Variants in PELI2 observed in about 807,000 individuals in gnomAD.
PELI2 encodes the protein E3 ubiquitin-protein ligase pellino homolog 2.
PELI2 carries 23 observed loss-of-function variants against 42.3 expected under a neutral mutation model. That is an observed-to-expected ratio of 0.54 (90% CI 0.39 to 0.77). The LOEUF is 0.77. Ranked by LOEUF, PELI2 falls within the 30% of genes least tolerant of loss-of-function variation. The pLI, the probability that PELI2 is intolerant of heterozygous loss-of-function variation, is 0.00. For synonymous variants in PELI2, 245 were observed against 212.2 expected (o/e 1.15, Z -1.34); for missense variants, 463 against 553.2 (o/e 0.84, Z 1.64).
chr14:56,228,360 G>T (rs2139763865), intron 2 of PELI2, among the ~76,000 whole-genome samples: 2 of 152,206 alleles, frequency 1.3e-5, no homozygotes, highest in South Asian at 4.1e-4. Context: ...GAAGGAAAAA[G>T]AAACAATTTT....
At chr14:56,230,721 C>A (rs1419015697) in intron 2 of PELI2, among the ~76,000 whole-genome samples, 1 of 152,128 alleles carries the variant, frequency 6.6e-6, no homozygotes, top group African/African-American at 2.4e-5. Context: ...GCTAACATCA[C>A]AATGACAGGA....
At position 56,253,929 on chromosome 14, in the gene PELI2, A is replaced by G. The variant is rs1430824781; in HGVS notation, c.208-25747A>G. Among the ~76,000 whole-genome samples, 5 of 152,244 alleles carry G rather than the reference A, an allele frequency of 3.3e-5. No homozygotes were observed. The East Asian group carries it at 9.6e-4, about 29-fold the overall frequency. On this transcript the variant is annotated intron_variant, in intron 2 of 5. Transcript: ENST00000267460. ...AGAACAAAGCTAGAGGCATCACACT[A>G]CCTGACTTCAAACTATACTACAAGG...
rs34922290 is a variant in PELI2, at chr14:56,138,462, C to CT, written c.77+19737dup. Among the ~76,000 whole-genome samples the CT allele has an allele frequency of 1.8e-3, 259 of 144,214 alleles. 1 individual carries two copies. Among genetic ancestry groups the CT allele is most frequent in the African/African-American group, 3.7e-3 (146 of 39,328 alleles). The allele number at this position is 144,214 out of a possible 152,430, so 94.6% of individuals were successfully genotyped here. The stretch of plus-strand genomic sequence containing the variant: ...TCAAAGTACAGGTGATTCTGTGGTT[C>CT]TTTTTTTTTTTTAAAGACTGAAAAG... On this transcript the variant is annotated intron_variant, in intron 1 of 5. Coordinates refer to ENST00000267460, the MANE Select transcript of PELI2 (RefSeq NM_021255.3).
chr14:56,140,143 C>T (rs1448857972), intron 1 of PELI2, among the ~76,000 whole-genome samples: 1 of 151,870 alleles, frequency 6.6e-6, no homozygotes, highest in Non-Finnish European at 1.5e-5. Flanking sequence ...TAATTTAGAG[C>T]TGGGTGCTTC....
intron 2 of PELI2, among the ~76,000 whole-genome samples, chr14:56,200,701 TC>T (rs1886305832): frequency 6.6e-6 from 1 of 152,258 alleles, no homozygotes; most frequent in African/African-American, 2.4e-5. Flanking sequence ...CAAAGGTGAT[TC>T]TTTTTTAAGT....
chr14:56,137,318 G>T (rs555101383), intron 1 of PELI2, among the ~76,000 whole-genome samples: 2 of 152,178 alleles, frequency 1.3e-5, no homozygotes, highest in East Asian at 3.9e-4. Context: ...AGAAAAAAAT[G>T]AGCTTTTTGG....
At chr14:56,290,588 G>A in intron 5 of PELI2, 132 bp downstream of exon 5, 1 of 531,868 alleles carries the variant, frequency 1.9e-6, no homozygotes, top group Non-Finnish European at 3.1e-6. Flanking sequence ...CTCAGGAGAA[G>A]CAGAATTCCA....
intron 1 of PELI2, among the ~76,000 whole-genome samples, chr14:56,151,307 C>T (rs1884343176): frequency 6.6e-6 from 1 of 152,208 alleles, no homozygotes; most frequent in Non-Finnish European, 1.5e-5. Flanking sequence ...GTGCAGTTAT[C>T]ACCTCTGTGA....
intron 1 of PELI2, among the ~76,000 whole-genome samples, chr14:56,172,414 GT>G (rs1885211691): frequency 6.6e-5 from 10 of 152,172 alleles, no homozygotes; most frequent in Admixed American, 6.5e-4. Context: ...TTTGCATGTT[GT>G]TAGTAAGCAA....
intron 2 of PELI2, among the ~76,000 whole-genome samples, chr14:56,230,404 G>A (rs534566539): frequency 2.3e-3 from 344 of 152,270 alleles, no homozygotes; most frequent in African/African-American, 7.8e-3. Context: ...CAGATCTCTC[G>A]GCAGAAACCC....
intron 1 of PELI2, among the ~76,000 whole-genome samples, chr14:56,151,554 G>C (rs1884358833): frequency 6.6e-6 from 1 of 152,198 alleles, no homozygotes; most frequent in Admixed American, 6.5e-5. Flanking sequence ...TGATGTCACA[G>C]TGTTTGTTCA....
intron 1 of PELI2, among the ~76,000 whole-genome samples, chr14:56,132,250 G>C (rs947114830): frequency 6.6e-6 from 1 of 152,148 alleles, no homozygotes; most frequent in Non-Finnish European, 1.5e-5. Context: ...TTGAATCCAG[G>C]TCTCAGATTC....
intron 3 of PELI2, among the ~76,000 whole-genome samples, chr14:56,286,255 T>C (rs943893050): frequency 1.3e-5 from 2 of 152,190 alleles, no homozygotes; most frequent in African/African-American, 4.8e-5. Flanking sequence ...GAATACCAAG[T>C]GTCAATGGAA....
chr14:56,198,456 G>A (rs932538461), intron 2 of PELI2, among the ~76,000 whole-genome samples: 3 of 152,200 alleles, frequency 2.0e-5, no homozygotes, highest in Non-Finnish European at 4.4e-5. Flanking sequence ...AGGCAGACTG[G>A]AGTAGCTGAC....
chr14:56,137,809 G>A (rs1267634722), intron 1 of PELI2, among the ~76,000 whole-genome samples: 28 of 152,210 alleles, frequency 1.8e-4, no homozygotes. Flanking sequence ...GTTGCAGAGA[G>A]TTCAGAAACC....
intron 2 of PELI2, among the ~76,000 whole-genome samples, chr14:56,258,662 AG>A (rs1446598660): frequency 6.6e-6 from 1 of 152,154 alleles, no homozygotes; most frequent in African/African-American, 2.4e-5. Context: ...GTATTGCAAT[AG>A]GAAGTTCCAA....
At chr14:56,144,255 G>T (rs1254115037) in intron 1 of PELI2, among the ~76,000 whole-genome samples, 1 of 152,124 alleles carries the variant, frequency 6.6e-6, no homozygotes, top group African/African-American at 2.4e-5. Context: ...AACAGAACTA[G>T]CAAGAGATAT....
intron 2 of PELI2, among the ~76,000 whole-genome samples, chr14:56,226,086 G>A (rs891052202): frequency 8.5e-6 from 1 of 117,412 alleles, no homozygotes; most frequent in African/African-American, 2.8e-5. Context: ...AAAAAAAAAA[G>A]AAGAAGAAGA....
At chr14:56,266,462 TAAAA>T (rs928212638) in intron 2 of PELI2, among the ~76,000 whole-genome samples, 1 of 151,814 alleles carries the variant, frequency 6.6e-6, no homozygotes, top group Non-Finnish European at 1.5e-5. Flanking sequence ...TCATAGTAAA[TAAAA>T]AAAGAGATAA....
Sources: allele counts gnomAD v4.1 joint callset (sites outside exome capture counted in the v4.1 genomes callset), GRCh38; gene constraint gnomAD v4.1.1; transcripts MANE v1.5; gene names NCBI Gene and HGNC (gene_info 2026-07-23, HGNC 2026-07-21).